The following LPIN2 variants were observed in gnomAD, a reference collection of about 807,000 sequenced individuals.
The protein encoded by LPIN2 is phosphatidate phosphatase LPIN2.
Under a neutral mutation model 111.4 loss-of-function variants are expected in LPIN2, and 55 were observed. The observed-to-expected ratio is 0.49, with a 90% confidence interval of 0.40 to 0.62. The LOEUF is 0.62. LPIN2 is among the 20% of genes least tolerant of loss of function. The pLI, the probability that LPIN2 is intolerant of heterozygous loss-of-function variation, is 0.00. For synonymous variants in LPIN2, 425 were observed against 414.0 expected (o/e 1.03, Z -0.32); for missense variants, 992 against 1,112.1 (o/e 0.89, Z 1.54).
At chr18:2,932,872 C>G (rs550049504) in intron 8 of LPIN2, among the ~76,000 whole-genome samples, 19 of 152,302 alleles carry the variant, frequency 1.2e-4, no homozygotes, top group African/African-American at 4.3e-4. Flanking sequence ...AAGGCCTCCC[C>G]CTAAACACCA....
chr18:2,964,108 C>A (rs2077751697), intron 1 of LPIN2, among the ~76,000 whole-genome samples: 2 of 151,364 alleles, frequency 1.3e-5, no homozygotes, highest in African/African-American at 4.9e-5. Context: ...ACGGTGAAGG[C>A]CCGTCTTTAC....
chr18:2,917,174 T>TAATC lies in LPIN2; in HGVS notation c.*3115_*3118dup, dbSNP rs2144093019. On this transcript the variant is annotated 3_prime_UTR_variant, in exon 20 of 20. Transcript: ENST00000677752. ...ACTTATTAGTGACATTGCTGTCTAATAATCAAATACTTCATCATAGGCTGA... is the reference window on the plus strand; with the variant it reads ...ACTTATTAGTGACATTGCTGTCTAATAATCAATCAAATACTTCATCATAGGCTGA... The TAATC allele has an allele frequency of 6.6e-6, 1 of 152,368 alleles. No homozygotes were observed. The highest frequency in any genetic ancestry group is 2.1e-4 in the South Asian group (1 of 4,822). The allele number at this position is 152,368 out of a possible 1,614,324, so 9.4% of individuals were successfully genotyped here. A position where few individuals can be genotyped will look rare whatever the true frequency, so the allele number is the denominator to read the frequency against.
chr18:2,982,741 T>C lies in LPIN2; in HGVS notation c.-9-21892A>G, dbSNP rs2078131383. ...TAATGAGCCTTTACAAACCACCTCATCTTCCTTGTCATCTTCTAAGTAAAA... is the reference window on the plus strand; with the variant it reads ...TAATGAGCCTTTACAAACCACCTCACCTTCCTTGTCATCTTCTAAGTAAAA... On this transcript the variant is annotated intron_variant, in intron 1 of 19. Coordinates refer to ENST00000677752, the MANE Select transcript of LPIN2 (RefSeq NM_001375808.2). The C allele has an allele frequency of 8.4e-6, 11 of 1,302,578 alleles. No individual in the cohort carries two copies. In the South Asian group the frequency reaches 9.9e-5, roughly 12 times the overall value. The allele number at this position is 1,302,578 out of a possible 1,614,324, so 80.7% of individuals were successfully genotyped here.
intron 4 of LPIN2, chr18:2,948,286 ACCAAGCCAGCAAGC>A (rs2077484873): frequency 6.6e-6 from 1 of 152,212 alleles, no homozygotes; most frequent in East Asian, 1.9e-4. Context: ...ATGCCTGCTT[ACCAAGCCAGCAAGC>A]TGCTGGCTTA....
At chr18:2,940,772 T>A (rs555507543) in intron 4 of LPIN2, 60 bp from the exon 5 acceptor site, 1 of 974,394 alleles carries the variant, frequency 1.0e-6, no homozygotes, top group Admixed American at 1.8e-5. Context: ...CTTTAAAATA[T>A]CCCCCAAACC....
chr18:2,998,343 A>G (rs751341697), intron 1 of LPIN2, among the ~76,000 whole-genome samples: 1 of 152,236 alleles, frequency 6.6e-6, no homozygotes, highest in Non-Finnish European at 1.5e-5. Context: ...ACAAGAGAGA[A>G]GGACTTCCAA....
intron 9 of LPIN2, among the ~76,000 whole-genome samples, chr18:2,930,363 A>G (rs1025168069): frequency 2.6e-5 from 4 of 152,376 alleles, no homozygotes; most frequent in South Asian, 4.1e-4. Context: ...ACCATTGGCC[A>G]TAACACACTT....
In LPIN2 at chr18:3,013,113, G is replaced by GGGCGGCTGAGGGCAGGC. The variant is rs989197741; in HGVS notation, c.-53_-37dup. ...CACAGGGGCTCCGCTCCCGGCCAGC[G>GGGCGGCTGAGGGCAGGC]GGCGGCTGAGGGCAGGCGGCGGCTG... On this transcript the variant is annotated 5_prime_UTR_variant, in exon 1 of 20. Transcript: ENST00000677752. The GGGCGGCTGAGGGCAGGC allele has an allele frequency of 6.6e-6, 1 of 150,668 alleles. No homozygotes were observed. The highest frequency in any genetic ancestry group is 2.4e-5 in the African/African-American group (1 of 41,304). The allele number at this position is 150,668 out of a possible 1,614,324, so 9.3% of individuals were successfully genotyped here. A position where few individuals can be genotyped will look rare whatever the true frequency, so the allele number is the denominator to read the frequency against.
chr18:3,005,917 G>T (rs1368718820), intron 1 of LPIN2, among the ~76,000 whole-genome samples: 1 of 152,106 alleles, frequency 6.6e-6, no homozygotes, highest in Non-Finnish European at 1.5e-5. Flanking sequence ...CGCTAAAATT[G>T]ACTTAGGGAT....
At chr18:2,935,154 C>T (rs1447570798) in intron 7 of LPIN2, among the ~76,000 whole-genome samples, 3 of 152,090 alleles carry the variant, frequency 2.0e-5, no homozygotes, top group Middle Eastern at 3.2e-3. Flanking sequence ...GTTAAAAATG[C>T]GTAAAACACA....
rs2076999693 is a variant in LPIN2, at chr18:2,918,336, G to T, written c.*1957C>A. On this transcript the variant is annotated 3_prime_UTR_variant, in exon 20 of 20. Coordinates refer to ENST00000677752, the MANE Select transcript of LPIN2 (RefSeq NM_001375808.2). ...AAAAAGGATTAAAGATGTATATTAA[G>T]ATTTTTCAGTACCATACATATGCAA... 6.6e-6 allele frequency: 1 copy of T among 152,176 alleles called. No individual in the cohort carries two copies. The highest frequency in any genetic ancestry group is 2.1e-4 in the South Asian group (1 of 4,826). The allele number at this position is 152,176 out of a possible 1,614,324, so 9.4% of individuals were successfully genotyped here.
intron 6 of LPIN2, among the ~76,000 whole-genome samples, chr18:2,938,838 G>A (rs2077328510): frequency 6.6e-6 from 1 of 152,108 alleles, no homozygotes; most frequent in African/African-American, 2.4e-5. Context: ...TGGAAAAAAA[G>A]GTTTAACAAT....
chr18:2,953,455 G>GT (rs2077566943), intron 3 of LPIN2, among the ~76,000 whole-genome samples: 1 of 151,968 alleles, frequency 6.6e-6, no homozygotes, highest in South Asian at 2.1e-4. Context: ...ATGCAAACAA[G>GT]GTATTACAAA....
chr18:3,002,214 A>G (rs1219338176), intron 1 of LPIN2, among the ~76,000 whole-genome samples: 1 of 142,148 alleles, frequency 7.0e-6, no homozygotes, highest in Non-Finnish European at 1.5e-5. Flanking sequence ...GCCAGCATTT[A>G]AAAGGATGAC....
chr18:2,966,632 C>T (rs2077807840), intron 1 of LPIN2, among the ~76,000 whole-genome samples: 1 of 152,180 alleles, frequency 6.6e-6, no homozygotes, highest in African/African-American at 2.4e-5. Flanking sequence ...TTTCTTACTG[C>T]AAGTGGGCTG....
Position 3,006,824 on chromosome 18 carries a change from G to A in LPIN2, c.-10+6263C>T, listed in dbSNP as rs540886079. On this transcript the variant is annotated intron_variant, in intron 1 of 19. Transcript: ENST00000677752. ...TGCACTCCAGCCTGGGCGACAGAAC[G>A]AGACTCTGTCTCAAAAAAAAAAAAA... 2.1e-3 allele frequency among the ~76,000 whole-genome samples: 319 copies of A among 149,888 alleles called. 1 individual carries two copies. Among genetic ancestry groups the A allele is most frequent in the African/African-American group, 7.5e-3 (300 of 40,232 alleles).
chr18:3,012,184 T>C (rs1472578379), intron 1 of LPIN2, among the ~76,000 whole-genome samples: 1 of 151,706 alleles, frequency 6.6e-6, no homozygotes, highest in Non-Finnish European at 1.5e-5. Context: ...TCGTTTTCAA[T>C]TAAAAAAAAA....
chr18:2,974,997 T>TCAAA (rs559978529), intron 1 of LPIN2, among the ~76,000 whole-genome samples: 5 of 152,152 alleles, frequency 3.3e-5, no homozygotes, highest in African/African-American at 9.7e-5. Flanking sequence ...AGATCCTGAC[T>TCAAA]CAAACAAACA....
At chr18:2,956,338 G>GTGTGTGTGTA (rs1378510476) in intron 2 of LPIN2, among the ~76,000 whole-genome samples, 2 of 129,904 alleles carry the variant, frequency 1.5e-5, no homozygotes, top group African/African-American at 2.6e-5. Flanking sequence ...GTGTGTGTGT[G>GTGTGTGTGTA]TGTGTGTACA....
Sources: gnomAD v4.1 joint callset for allele counts (sites outside exome capture counted in the v4.1 genomes callset) on GRCh38, gnomAD v4.1.1 for gene constraint, MANE v1.5 for transcripts, NCBI Gene and HGNC (gene_info 2026-07-23, HGNC 2026-07-21) for gene names.